SLC43A3: variants seen among roughly 807,000 people sequenced by gnomAD.
SLC43A3 encodes solute carrier family 43 member 3, also known as equilibrative nucleobase transporter 1.
SLC43A3 carries 33 observed loss-of-function variants against 53.3 expected under a neutral mutation model. That is an observed-to-expected ratio of 0.62 (90% confidence interval 0.47 to 0.83). The LOEUF is 0.83. SLC43A3 is among the 40% of genes least tolerant of loss of function. The pLI is 0.00. For synonymous variants in SLC43A3, 236 were observed against 246.2 expected (o/e 0.96, Z 0.39); for missense variants, 530 against 610.0 (o/e 0.87, Z 1.38).
At chr11:57,409,651 T>C (rs926289352) in intron 12 of SLC43A3, among the ~76,000 whole-genome samples, 4 of 152,190 alleles carry the variant, frequency 2.6e-5, no homozygotes, top group Admixed American at 6.5e-5. Flanking sequence ...CACTTTTCCA[T>C]TTCTTCCCTG....
At chr11:57,427,449 C>G (rs1943238489), upstream of SLC43A3, 1 of 152,546 alleles carries the variant, frequency 6.6e-6, no homozygotes, top group South Asian at 2.1e-4. Context: ...GACACACAGA[C>G]AGCACATGAG....
Position 57,426,189 on chromosome 11 carries a change from G to A in SLC43A3, c.-17C>T. On this transcript the variant is annotated 5_prime_UTR_variant, in exon 3 of 14. Transcript: ENST00000395124. ...GCCCGCCATGAGCAGAAGTGGAGTGGATCTTCAAATCCCACTTTGTCCTCC... is the reference window on the plus strand; with the variant it reads ...GCCCGCCATGAGCAGAAGTGGAGTGAATCTTCAAATCCCACTTTGTCCTCC... 3 of 1,612,706 alleles carry A rather than the reference G, an allele frequency of 1.9e-6. No homozygotes were observed. Among genetic ancestry groups the A allele is most frequent in the East Asian group, 4.5e-5 (2 of 44,870 alleles).
At position 57,417,783 on chromosome 11, in the gene SLC43A3, G is replaced by A; in HGVS notation, c.636C>T (p.His212=). The change falls in exon 8 of 14, where the codon CAC becomes CAT. Residue 212 remains histidine (H), a synonymous_variant. Transcript: ENST00000395124. ...AGTTGGGGGGCAGTGGGTATGGGAT[G>A]TGCCCCCGGGGCATCAGGAGGAAAG... ...ARTFLLMPRG[H]IPYPLPPNYS... The A allele has an allele frequency of 2.5e-6, 4 of 1,614,120 alleles. No individual in the cohort carries two copies. The highest frequency in any genetic ancestry group is 3.4e-6 in the Non-Finnish European group (4 of 1,180,002).
chr11:57,409,717 AAC>A (rs1287515374), intron 12 of SLC43A3, among the ~76,000 whole-genome samples: 1 of 152,226 alleles, frequency 6.6e-6, no homozygotes, highest in African/African-American at 2.4e-5. Flanking sequence ...CCAGGTAGAA[AAC>A]AGAGGGAGAG....
rs747862313 is a variant in SLC43A3 at position 57,410,097 on chromosome 11, A to C, written c.1085T>G (p.Leu362Arg). The C allele has an allele frequency of 1.9e-6, 3 of 1,606,618 alleles. No homozygotes were observed. In the African/African-American group the frequency reaches 4.0e-5, roughly 21 times the overall value. ...GGCCAGCGAAGGCACCGTCGAGCAGAGGGCCACCGCCAAAGTGGAGGAACC... is the reference window on the plus strand; with the variant it reads ...GGCCAGCGAAGGCACCGTCGAGCAGCGGGCCACCGCCAAAGTGGAGGAACC... ...KTGSSTLAVA[L>R]CSTVPSLALT... The change falls in exon 12 of 14, where the codon CTC (leucine) becomes CGC (arginine). Residue 362 changes from leucine to arginine, a missense_variant. Physicochemically the swap from Leu to Arg is moderately radical, Grantham distance 102. Coordinates refer to ENST00000395124, the MANE Select transcript of SLC43A3 (RefSeq NM_199329.3).
intron 5 of SLC43A3, chr11:57,423,705 C>T: frequency 3.0e-6 from 1 of 337,794 alleles, no homozygotes; most frequent in Admixed American, 4.1e-5. Context: ...GCTGGGATTA[C>T]AGGAGTGAGC....
Position 57,423,145 on chromosome 11 carries a change from T to C in SLC43A3, c.361+837A>G, listed in dbSNP as rs921119723. Among the ~76,000 whole-genome samples, 5 of 152,332 alleles carry C rather than the reference T, an allele frequency of 3.3e-5. No individual in the cohort carries two copies. The East Asian group carries it at 5.8e-4, about 18-fold the overall frequency. Reference sequence around the variant, plus strand: ...CTCCCACTTGCTTTCTCTGTGGCCATGGACATGTCTTTGCAAGGGGTCCTG... The same window carrying C: ...CTCCCACTTGCTTTCTCTGTGGCCACGGACATGTCTTTGCAAGGGGTCCTG... On this transcript the variant is annotated intron_variant, in intron 5 of 13. Transcript: ENST00000395124.
chr11:57,418,825 G>A (rs1011987751), intron 7 of SLC43A3, among the ~76,000 whole-genome samples: 2 of 152,004 alleles, frequency 1.3e-5, no homozygotes, highest in Non-Finnish European at 2.9e-5. Context: ...GGGAGGCGGA[G>A]GTTGCAGTGA....
chr11:57,418,024 TGG>T (rs1270434760), intron 7 of SLC43A3, 137 bp from the exon 8 acceptor site: 1 of 773,130 alleles, frequency 1.3e-6, no homozygotes, highest in Non-Finnish European at 2.0e-6. Flanking sequence ...ATACACACAA[TGG>T]AATATTATTC....
intron 11 of SLC43A3, among the ~76,000 whole-genome samples, chr11:57,411,529 GT>G (rs546148615): frequency 1.0e-3 from 153 of 150,512 alleles, no homozygotes; most frequent in African/African-American, 3.6e-3. Context: ...GCCAGACATG[GT>G]AGTGCATGCC....
At chr11:57,424,813 T>C (rs1943138408) in intron 4 of SLC43A3, among the ~76,000 whole-genome samples, 1 of 152,138 alleles carries the variant, frequency 6.6e-6, no homozygotes, top group South Asian at 2.1e-4. Context: ...CCCGTCTCTC[T>C]CTCTGACAGC....
chr11:57,419,174 T>C (rs948197539), intron 7 of SLC43A3, among the ~76,000 whole-genome samples: 8 of 152,150 alleles, frequency 5.3e-5, no homozygotes, highest in African/African-American at 1.7e-4. Flanking sequence ...AGTGCCTTTT[T>C]TCCCCCAACG....
At chr11:57,416,705 G>T in intron 8 of SLC43A3, 35 bp from the exon 9 acceptor site, 1 of 1,546,688 alleles carries the variant, frequency 6.5e-7, no homozygotes, top group Non-Finnish European at 8.9e-7. Context: ...CAAGGCCAAG[G>T]ACTGTGAGCC....
chr11:57,423,615 A>G (rs1943083021), intron 5 of SLC43A3: 1 of 171,602 alleles, frequency 5.8e-6, no homozygotes, highest in Admixed American at 5.9e-5. Flanking sequence ...TTTTTAGTAG[A>G]GAAGGGATTT....
At chr11:57,420,671 T>C (rs570012110) in intron 7 of SLC43A3, among the ~76,000 whole-genome samples, 1 of 152,268 alleles carries the variant, frequency 6.6e-6, no homozygotes, top group South Asian at 2.1e-4. Context: ...TACCCAACAC[T>C]GGCCCAAGCA....
chr11:57,421,329 C>A lies in SLC43A3; in HGVS notation c.406G>T (p.Gly136Trp). The part of the protein sequence containing the change: ...LFLAMPMLTI[G>W]GILFLITNLQ... The stretch of plus-strand genomic sequence containing the variant: ...TTGGTGATGAGAAACAGGATTCCCC[C>A]AATGGTGAGCATTGGCATGGCCAGG... Residue 136 changes from glycine (G) to tryptophan (W), a missense_variant, in exon 6 of 14, where the codon GGG (glycine) becomes TGG (tryptophan). By Grantham distance (184) the Gly-to-Trp change is radical (BLOSUM62 -2). Around this residue, in one of 3 missense-constraint regions of SLC43A3, gnomAD observed 376 missense variants for 386.7 expected, o/e 0.97. Coordinates refer to ENST00000395124, the MANE Select transcript of SLC43A3 (RefSeq NM_199329.3). 1.9e-6 allele frequency: 3 copies of A among 1,613,952 alleles called. No homozygotes were observed. The South Asian group carries it at 3.3e-5, about 18-fold the overall frequency.
rs79468656 is a variant in SLC43A3 at position 57,424,690 on chromosome 11, G to A, written c.315-662C>T. ...AAGGGGAGGAAAGGGGAGGTAGCAG[G>A]GAGCCAAGGACCAAGAAGGACTGAG... On this transcript the variant is annotated intron_variant, in intron 4 of 13. Coordinates refer to ENST00000395124, the MANE Select transcript of SLC43A3 (RefSeq NM_199329.3). 3.1e-3 allele frequency among the ~76,000 whole-genome samples: 476 copies of A among 152,262 alleles called. 2 individuals are homozygous for A. The highest frequency in any genetic ancestry group is 0.01 in the Middle Eastern group (3 of 294).
chr11:57,412,544 G>A (rs1458912955), intron 11 of SLC43A3, among the ~76,000 whole-genome samples: 21 of 152,080 alleles, frequency 1.4e-4, no homozygotes, highest in African/African-American at 5.1e-4. Context: ...TTTTGGCCAG[G>A]GGCAGTGGCT....
At chr11:57,416,287 G>T (rs1403527824) in intron 9 of SLC43A3, among the ~76,000 whole-genome samples, 2 of 152,204 alleles carry the variant, frequency 1.3e-5, no homozygotes, top group South Asian at 4.1e-4. Context: ...CATCACAGAA[G>T]AGGGCAGAAC....
Sources: gnomAD v4.1 joint callset for allele counts (sites outside exome capture counted in the v4.1 genomes callset) on GRCh38, gnomAD v4.1.1 for gene constraint, gnomAD v4.1.1 regional missense constraint, MANE v1.5 for transcripts, NCBI Gene and HGNC (gene_info 2026-07-23, HGNC 2026-07-21) for gene names.